The following CDC42SE2 variants were observed in gnomAD, a reference collection of about 807,000 sequenced individuals.
The protein encoded by CDC42SE2 is CDC42 small effector 2.
A neutral mutation model predicts 11.5 loss-of-function variants in CDC42SE2; 3 were observed. The observed-to-expected ratio is 0.26, with a 90% CI of 0.12 to 0.67. The LOEUF (loss-of-function observed/expected upper bound fraction) is 0.67, where lower values mean the gene tolerates loss of function less well. CDC42SE2 is among the 30% of genes least tolerant of loss of function. The probability of loss-of-function intolerance (pLI) is 0.80; values close to 1 mark genes in which losing one functional copy is unlikely to be tolerated. For missense variants in CDC42SE2, 82 were observed against 106.8 expected (o/e 0.77, Z 1.02); for synonymous variants, 33 against 34.8 (o/e 0.95, Z 0.18).
At chr5:131,314,559 A>ATTTTTG in intron 1 of CDC42SE2, among the ~76,000 whole-genome samples, 1 of 152,054 alleles carries the variant, frequency 6.6e-6, no homozygotes, top group Admixed American at 6.6e-5. Flanking sequence ...TTCTTTGTAC[A>ATTTTTG]AGTGTTCTAT....
chr5:131,280,413 T>C (rs539777626), intron 1 of CDC42SE2, among the ~76,000 whole-genome samples: 1 of 152,330 alleles, frequency 6.6e-6, no homozygotes, highest in Non-Finnish European at 1.5e-5. Context: ...ACATTTCACT[T>C]TAACGAATAT....
chr5:131,321,505 G>C (rs933245771), intron 2 of CDC42SE2, among the ~76,000 whole-genome samples: 17 of 152,228 alleles, frequency 1.1e-4, no homozygotes, highest in African/African-American at 3.9e-4. Flanking sequence ...AAATGGTACT[G>C]ATATTGCCTG....
the CDC42SE2 span, among the ~76,000 whole-genome samples, chr5:131,213,371 G>A: frequency 6.6e-6 from 1 of 152,068 alleles, no homozygotes; most frequent in Non-Finnish European, 1.5e-5. Context: ...TGTGGGTAGG[G>A]TTCTATTAAC....
At chr5:131,329,952 A>C (rs540923044) in intron 2 of CDC42SE2, among the ~76,000 whole-genome samples, 1 of 149,480 alleles carries the variant, frequency 6.7e-6, no homozygotes, top group African/African-American at 2.4e-5. Context: ...CTATCACTGT[A>C]TAACAAACTA....
At chr5:131,365,929 T>C (rs1449725070) in intron 3 of CDC42SE2, among the ~76,000 whole-genome samples, 2 of 151,852 alleles carry the variant, frequency 1.3e-5, no homozygotes, top group Non-Finnish European at 2.9e-5. Context: ...TTGCAGTGAG[T>C]GGAGATTGCG....
At chr5:131,306,002 A>T (rs1757770491) in intron 1 of CDC42SE2, among the ~76,000 whole-genome samples, 1 of 152,206 alleles carries the variant, frequency 6.6e-6, no homozygotes, top group Non-Finnish European at 1.5e-5. Context: ...CACCATTTAC[A>T]GTAGTTTCAC....
At chr5:131,340,075 G>C (rs1443651894) in intron 2 of CDC42SE2, among the ~76,000 whole-genome samples, 1 of 152,156 alleles carries the variant, frequency 6.6e-6, no homozygotes, top group Non-Finnish European at 1.5e-5. Flanking sequence ...GAGGTCTTCT[G>C]CAAAGAACTG....
At chr5:131,388,730 A>T (rs1750563809) in intron 4 of CDC42SE2, among the ~76,000 whole-genome samples, 1 of 152,264 alleles carries the variant, frequency 6.6e-6, no homozygotes, top group Admixed American at 6.5e-5. Flanking sequence ...GTTACTTAAG[A>T]TAAACCAAAT....
intron 3 of CDC42SE2, among the ~76,000 whole-genome samples, chr5:131,369,389 A>G (rs1392961021): frequency 2.6e-5 from 4 of 152,116 alleles, no homozygotes; most frequent in African/African-American, 9.7e-5. Flanking sequence ...GCATTTGTGT[A>G]TGTGTAGCCT....
At chr5:131,360,117 C>A (rs1361158527) in intron 3 of CDC42SE2, among the ~76,000 whole-genome samples, 1 of 152,126 alleles carries the variant, frequency 6.6e-6, no homozygotes, top group Non-Finnish European at 1.5e-5. Flanking sequence ...GCCCTCCAGC[C>A]TCCAAATTCT....
chr5:131,339,704 T>A (rs1758663036), intron 2 of CDC42SE2, among the ~76,000 whole-genome samples: 1 of 150,016 alleles, frequency 6.7e-6, no homozygotes, highest in Non-Finnish European at 1.5e-5. Flanking sequence ...CAGCTACTTG[T>A]GAGGCTGAGG....
intron 1 of CDC42SE2, among the ~76,000 whole-genome samples, chr5:131,277,433 CATT>C (rs1156801309): frequency 1.3e-5 from 2 of 152,190 alleles, no homozygotes; most frequent in African/African-American, 4.8e-5. Flanking sequence ...TAATGCATGA[CATT>C]ATGCCTTCAT....
At chr5:131,390,134 CAGAG>C (rs1750605439) in intron 4 of CDC42SE2, among the ~76,000 whole-genome samples, 1 of 152,176 alleles carries the variant, frequency 6.6e-6, no homozygotes, top group Non-Finnish European at 1.5e-5. Context: ...GCCTGATACT[CAGAG>C]AGGATAAATA....
At chr5:131,216,943 G>T in the CDC42SE2 span, among the ~76,000 whole-genome samples, 77 of 152,264 alleles carry the variant, frequency 5.1e-4, 1 homozygote, top group Middle Eastern at 6.8e-3. Context: ...ACTTAAAAAA[G>T]AGCCAAGGTA....
intron 3 of CDC42SE2, 84 bp downstream of exon 3, chr5:131,359,631 C>G (rs1468850694): frequency 2.1e-6 from 2 of 953,056 alleles, no homozygotes; most frequent in African/African-American, 3.2e-5. Context: ...GGGATCCTAG[C>G]AGTAATTGCA....
intron 3 of CDC42SE2, among the ~76,000 whole-genome samples, chr5:131,384,624 C>T (rs1013268087): frequency 2.6e-5 from 4 of 152,060 alleles, no homozygotes; most frequent in African/African-American, 9.7e-5. Flanking sequence ...CTAAGATAAT[C>T]TTCATATCTG....
At chr5:131,230,674 T>A in the CDC42SE2 span, among the ~76,000 whole-genome samples, 1 of 152,116 alleles carries the variant, frequency 6.6e-6, no homozygotes, top group South Asian at 2.1e-4. Context: ...AGCCCTCCAG[T>A]GATAGAGAAG....
At chr5:131,294,655 T>A (rs1269812383) in intron 1 of CDC42SE2, among the ~76,000 whole-genome samples, 1 of 152,096 alleles carries the variant, frequency 6.6e-6, no homozygotes, top group Non-Finnish European at 1.5e-5. Flanking sequence ...ATTGCAGTTA[T>A]AAATAGGATG....
At chr5:131,362,200 T>A (rs956312025) in intron 3 of CDC42SE2, among the ~76,000 whole-genome samples, 3 of 152,202 alleles carry the variant, frequency 2.0e-5, no homozygotes, top group Non-Finnish European at 4.4e-5. Flanking sequence ...AGCACTCCCG[T>A]ATCAGTACAA....
Sources: allele counts gnomAD v4.1 joint callset (sites outside exome capture counted in the v4.1 genomes callset), GRCh38; gene constraint gnomAD v4.1.1; transcripts MANE v1.5; gene names NCBI Gene and HGNC (gene_info 2026-07-23, HGNC 2026-07-21).